PCSK2: variants seen among roughly 807,000 people sequenced by gnomAD.
The protein encoded by PCSK2 is proprotein convertase subtilisin/kexin type 2, also known as neuroendocrine convertase 2.
PCSK2 carries 14 observed loss-of-function variants against 69.7 expected under a neutral mutation model. The observed-to-expected ratio is 0.20, with a 90% CI of 0.13 to 0.31. PCSK2 has a LOEUF of 0.31. Ranked by LOEUF, PCSK2 falls within the 10% of genes least tolerant of loss-of-function variation. The pLI is 1.00. For synonymous variants in PCSK2, 307 were observed against 320.7 expected (o/e 0.96, Z 0.46); for missense variants, 544 against 842.5 (o/e 0.65, Z 4.39).
chr20:17,347,384 A>T (rs1162104357), intron 2 of PCSK2, among the ~76,000 whole-genome samples: 3 of 152,084 alleles, frequency 2.0e-5, no homozygotes, highest in Non-Finnish European at 4.4e-5. Flanking sequence ...CAAAGCCAGC[A>T]GTTGGCGGCA....
chr20:17,263,248 G>GA (rs1243950028), intron 2 of PCSK2: 88 of 416,800 alleles, frequency 2.1e-4, no homozygotes, highest in Non-Finnish European at 2.7e-4. Context: ...AAGGAAAACA[G>GA]AAAAAAAAGG....
intron 6 of PCSK2, among the ~76,000 whole-genome samples, chr20:17,422,672 G>A (rs1943705740): frequency 6.6e-6 from 1 of 151,848 alleles, no homozygotes; most frequent in African/African-American, 2.4e-5. Flanking sequence ...AGAAGATGAG[G>A]TTGAAGTTCA....
intron 11 of PCSK2, among the ~76,000 whole-genome samples, chr20:17,474,006 T>C (rs1245024449): frequency 6.6e-6 from 1 of 152,198 alleles, no homozygotes; most frequent in Non-Finnish European, 1.5e-5. Context: ...AGAGTTGTTC[T>C]AGTGCTGGGA....
intron 1 of PCSK2, among the ~76,000 whole-genome samples, chr20:17,229,692 A>AT (rs531966848): frequency 8.5e-4 from 129 of 151,668 alleles, no homozygotes; most frequent in African/African-American, 1.1e-3. Context: ...AAATCCAGTG[A>AT]TTTTTTTTCC....
At chr20:17,454,014 G>A in intron 9 of PCSK2, 57 bp downstream of exon 9, 1 of 1,602,304 alleles carries the variant, frequency 6.2e-7, no homozygotes, top group Non-Finnish European at 8.5e-7. Context: ...TCTGTGTCAG[G>A]GTGGGATGCT....
intron 6 of PCSK2, among the ~76,000 whole-genome samples, chr20:17,418,307 G>A (rs766978687): frequency 3.3e-5 from 5 of 152,216 alleles, no homozygotes; most frequent in Admixed American, 6.5e-5. Context: ...AGGATTTGAT[G>A]CCAGTGGGTC....
At chr20:17,353,936 G>GGACT (rs1196625976) in intron 2 of PCSK2, among the ~76,000 whole-genome samples, 1 of 152,164 alleles carries the variant, frequency 6.6e-6, no homozygotes, top group Non-Finnish European at 1.5e-5. Context: ...TTATAAGTGG[G>GGACT]AACTAAACAT....
intron 7 of PCSK2, among the ~76,000 whole-genome samples, chr20:17,433,813 C>CTCTCTCTCTCTCTCTCT (rs59651477): frequency 1.0e-5 from 1 of 98,722 alleles, no homozygotes; most frequent in Non-Finnish European, 2.0e-5. Flanking sequence ...CTCTCTCTCT[C>CTCTCTCTCTCTCTCTCT]CCCCCACTTC....
chr20:17,376,814 C>G (rs1428224260), intron 5 of PCSK2, among the ~76,000 whole-genome samples: 1 of 152,188 alleles, frequency 6.6e-6, no homozygotes, highest in Non-Finnish European at 1.5e-5. Context: ...TAACACTTAT[C>G]ACAGTGTTAA....
chr20:17,371,123 G>A lies in PCSK2; in HGVS notation c.543+1846G>A, dbSNP rs1253382815. 2.0e-5 allele frequency among the ~76,000 whole-genome samples: 3 copies of A among 152,160 alleles called. No individual in the cohort carries two copies. In the East Asian group the frequency reaches 5.8e-4, roughly 29 times the overall value. ...TTGTCACTTGGAGGACTTCAAGGTG[G>A]GGTGGTACCCATTGGGCTGGAGAGC... is the stretch of plus-strand genomic sequence containing the variant. On this transcript the variant is annotated intron_variant, in intron 5 of 11. Transcript: ENST00000262545.
At position 17,260,309 on chromosome 20, in the gene PCSK2, C is replaced by G. The variant is rs752154199; in HGVS notation, c.247C>G (p.Leu83Val). 3.7e-6 allele frequency: 6 copies of G among 1,613,756 alleles called. 1 individual carries two copies. In the South Asian group the frequency reaches 5.5e-5, roughly 15 times the overall value. ...TGCAAAGGCCAAGAGAAGACGCAGC[C>G]TACACCACAAGCAGCAGCTGGAGAG... ...GLAKAKRRRS[L>V]HHKQQLERDP... Residue 83 changes from leucine (L) to valine (V), a missense_variant, in exon 2 of 12, where the codon CTA becomes GTA. By Grantham distance (32) the Leu-to-Val change is conservative (BLOSUM62 1). This residue lies in a region of PCSK2 where 157 missense variants were observed against 155.0 expected (regional missense o/e 1.01). Coordinates refer to ENST00000262545, the MANE Select transcript of PCSK2 (RefSeq NM_002594.5).
chr20:17,375,992 G>A (rs1485425873), intron 5 of PCSK2, among the ~76,000 whole-genome samples: 1 of 152,214 alleles, frequency 6.6e-6, no homozygotes, highest in African/African-American at 2.4e-5. Flanking sequence ...AGAACTGACA[G>A]TGCCAGTTTG....
At chr20:17,458,503 C>T (rs1410411714) in intron 10 of PCSK2, among the ~76,000 whole-genome samples, 2 of 152,120 alleles carry the variant, frequency 1.3e-5, no homozygotes, top group African/African-American at 2.4e-5. Flanking sequence ...TTAGGCAAAG[C>T]GGCTCCAATA....
chr20:17,295,693 G>T (rs1988870828), intron 2 of PCSK2, among the ~76,000 whole-genome samples: 1 of 151,794 alleles, frequency 6.6e-6, no homozygotes, highest in African/African-American at 2.4e-5. Flanking sequence ...GGGACTACAG[G>T]TGTGTGCCAC....
At chr20:17,249,380 G>A (rs6044697) in intron 1 of PCSK2, among the ~76,000 whole-genome samples, 64,438 of 151,006 alleles carry the variant, frequency 0.43, 14,608 homozygotes, top group East Asian at 0.56. Context: ...GGTGGTGGGC[G>A]CCTGTAGTCC....
At chr20:17,228,761 C>G (rs963650417) in intron 1 of PCSK2, among the ~76,000 whole-genome samples, 2 of 152,228 alleles carry the variant, frequency 1.3e-5, no homozygotes, top group African/African-American at 4.8e-5. Flanking sequence ...GGGCCTCTCC[C>G]TCCTCCTAAG....
chr20:17,249,602 G>T (rs1986898228), intron 1 of PCSK2, among the ~76,000 whole-genome samples: 1 of 151,608 alleles, frequency 6.6e-6, no homozygotes, highest in Non-Finnish European at 1.5e-5. Flanking sequence ...AGCAAATCAA[G>T]TGTCCATCAA....
At chr20:17,348,046 GAAAGGAAAGAAAGAAAGAAAGAAA>G (rs1356702104) in intron 2 of PCSK2, among the ~76,000 whole-genome samples, 15 of 43,524 alleles carry the variant, frequency 3.4e-4, no homozygotes, top group African/African-American at 1.0e-3. Context: ...AAGAAAGAAA[GAAAGGAAAGAAAGAAAGAAAGAAA>G]GAAAGAAAGA....
rs1279311040 is a variant in PCSK2, at chr20:17,484,391, TG to T, written c.*2322del. On this transcript the variant is annotated 3_prime_UTR_variant, in exon 12 of 12. Transcript: ENST00000262545. ...ATACTAAAATATGTCTCGCTAGTGA[TG>T]TTTTTATGATATCCCTGATCCTAAC... 10 of 152,700 alleles carry T rather than the reference TG, an allele frequency of 6.5e-5. No homozygotes were observed. The highest frequency in any genetic ancestry group is 1.4e-4 in the African/African-American group (6 of 41,586). The allele number at this position is 152,700 out of a possible 1,614,324, so 9.5% of individuals were successfully genotyped here.
Sources: gnomAD v4.1 joint callset for allele counts (sites outside exome capture counted in the v4.1 genomes callset) on GRCh38, gnomAD v4.1.1 for gene constraint, gnomAD v4.1.1 regional missense constraint, MANE v1.5 for transcripts, NCBI Gene and HGNC (gene_info 2026-07-23, HGNC 2026-07-21) for gene names.